The following TTC3 variants were observed in gnomAD, a reference collection of about 807,000 sequenced individuals.
TTC3 encodes tetratricopeptide repeat domain 3, also known as E3 ubiquitin-protein ligase TTC3.
TTC3 carries 180 observed loss-of-function variants against 249.6 expected under a neutral mutation model. That is an observed-to-expected ratio of 0.72 (90% CI 0.64 to 0.82). The LOEUF is 0.82. Among genes scored for constraint, TTC3 ranks in the 40% least tolerant of loss-of-function variants. The pLI, the probability that TTC3 is intolerant of heterozygous loss-of-function variation, is 0.00. For missense variants in TTC3, 2,061 were observed against 2,398.4 expected (o/e 0.86, Z 2.94); for synonymous variants, 717 against 805.0 (o/e 0.89, Z 1.85).
Position 37,095,458 on chromosome 21 carries a change from G to A in TTC3, c.782+14G>A, listed in dbSNP as rs1478607174. ...CATTGAATATAGGTAAGAGCAAATA[G>A]AACAAAAGAGATGCTTTTTCTATGG... On this transcript the variant is annotated intron_variant, in intron 9 of 45. Transcript: ENST00000355666. 1.3e-6 allele frequency: 2 copies of A among 1,492,362 alleles called. No individual in the cohort carries two copies. The highest frequency in any genetic ancestry group is 1.8e-6 in the Non-Finnish European group (2 of 1,096,710). 92.4% of individuals were successfully genotyped at this position (1,492,362 alleles called of 1,614,324 possible).
intron 20 of TTC3, among the ~76,000 whole-genome samples, chr21:37,143,574 A>G (rs1003017955): frequency 2.2e-4 from 33 of 152,100 alleles, no homozygotes; most frequent in African/African-American, 7.0e-4. Flanking sequence ...AATGGCGATC[A>G]TTAAAAAGTC....
rs570792735 is a variant in TTC3 at position 37,124,314 on chromosome 21, A to C, written c.1110-305A>C. Among the ~76,000 whole-genome samples, 120 of 151,558 alleles carry C rather than the reference A, an allele frequency of 7.9e-4. 1 individual carries two copies. Among genetic ancestry groups the C allele is most frequent in the African/African-American group, 2.5e-3 (104 of 41,316 alleles). ...TATTTTTAGTAGAGACGGGGGTCTC[A>C]CCATGTTGGCCAGGCTGGTCTTGAA... On this transcript the variant is annotated intron_variant, in intron 13 of 45. Coordinates refer to ENST00000355666, the Ensembl canonical transcript of TTC3.
exon 27 of TTC3, chr21:37,153,107 C>T (rs1216148449): frequency 1.2e-6 from 2 of 1,613,820 alleles, no homozygotes; most frequent in Admixed American, 3.3e-5. Context: ...GAAGACTATA[C>T]AACCTGTTTT....
intron 34 of TTC3, among the ~76,000 whole-genome samples, chr21:37,168,930 G>A (rs1452606594): frequency 6.6e-6 from 1 of 152,312 alleles, no homozygotes; most frequent in East Asian, 1.9e-4. Flanking sequence ...TCACATGGCT[G>A]GCAAGCGGAT....
chr21:37,099,017 A>G (rs1236861250), intron 10 of TTC3: 1 of 152,180 alleles, frequency 6.6e-6, no homozygotes, highest in Admixed American at 6.5e-5. Flanking sequence ...GGAAGGCCAG[A>G]CTTCTTATCT....
exon 35 of TTC3, chr21:37,172,624 C>T: frequency 6.2e-7 from 1 of 1,612,754 alleles, no homozygotes; most frequent in Non-Finnish European, 8.5e-7. Flanking sequence ...AAAAGGAGCA[C>T]CAAGTATTAC....
exon 46 of TTC3, chr21:37,201,818 G>A (rs576219321): frequency 1.1e-5 from 6 of 522,262 alleles, no homozygotes; most frequent in East Asian, 7.3e-5. Flanking sequence ...CTGGGGCTGC[G>A]CAGGGCTCTT....
intron 42 of TTC3, among the ~76,000 whole-genome samples, chr21:37,197,223 C>A (rs1339892412): frequency 6.6e-6 from 1 of 152,140 alleles, no homozygotes; most frequent in Admixed American, 6.5e-5. Context: ...GCAGGTGGAT[C>A]ACCTGAGGTC....
chr21:37,089,529 T>A (rs1395406886), intron 5 of TTC3, among the ~76,000 whole-genome samples: 5 of 151,916 alleles, frequency 3.3e-5, no homozygotes, highest in African/African-American at 1.2e-4. Flanking sequence ...TATTATTATT[T>A]TTGAGATGGA....
intron 11 of TTC3, among the ~76,000 whole-genome samples, chr21:37,117,933 A>G (rs149287949): frequency 3.1e-4 from 47 of 152,096 alleles, no homozygotes; most frequent in African/African-American, 1.1e-3. Flanking sequence ...CTTAAACAAA[A>G]TATTCACTTT....
chr21:37,146,063 T>A (rs1048400022), intron 21 of TTC3, among the ~76,000 whole-genome samples: 3 of 152,212 alleles, frequency 2.0e-5, no homozygotes, highest in Admixed American at 2.0e-4. Flanking sequence ...CAAAAACTTG[T>A]ACATGAATGT....
At chr21:37,076,766 G>A (rs1031185373) in intron 1 of TTC3, among the ~76,000 whole-genome samples, 3 of 137,940 alleles carry the variant, frequency 2.2e-5, no homozygotes, top group Non-Finnish European at 4.6e-5. Context: ...GCAATGGCAC[G>A]ATCTCGGCTC....
At chr21:37,155,198 CA>C (rs369745927) in intron 27 of TTC3, among the ~76,000 whole-genome samples, 788 of 152,290 alleles carry the variant, frequency 5.2e-3, no homozygotes, top group Non-Finnish European at 8.7e-3. Context: ...GAATTTTCTT[CA>C]ATAAAACGAC....
At position 37,141,781 on chromosome 21, in the gene TTC3, A is replaced by C. The variant is rs62223636; in HGVS notation, c.1772+1108A>C. ...GAGACTCCATCTCAAAAACAGCAAT[A>C]ACACAGAGACACAACAAAAAAAGAG... On this transcript the variant is annotated intron_variant, in intron 20 of 45. Transcript: ENST00000355666. 7.8e-3 allele frequency among the ~76,000 whole-genome samples: 1,189 copies of C among 152,178 alleles called. 4 individuals carry two copies. Among genetic ancestry groups the C allele is most frequent in the Non-Finnish European group, 0.012 (812 of 67,964 alleles).
intron 11 of TTC3, among the ~76,000 whole-genome samples, chr21:37,111,886 T>C (rs1479600342): frequency 6.6e-6 from 1 of 151,882 alleles, no homozygotes; most frequent in Non-Finnish European, 1.5e-5. Context: ...GAACTCAGGA[T>C]TAAGAAACTC....
exon 46 of TTC3, chr21:37,202,086 A>G (rs1195575010): frequency 6.6e-6 from 1 of 152,252 alleles, no homozygotes; most frequent in African/African-American, 2.4e-5. Context: ...TAAGCAAACT[A>G]TATTTTAATA....
rs2085367618 is a variant in TTC3 at position 37,200,325 on chromosome 21, G to GT, written c.5943+2dup. 6.2e-7 allele frequency: 1 copy of GT among 1,613,830 alleles called. No individual in the cohort carries two copies. Among genetic ancestry groups the GT allele is most frequent in the Non-Finnish European group, 8.5e-7 (1 of 1,179,924 alleles). The stretch of plus-strand genomic sequence containing the variant: ...ATGTGGGCACAAGTATCACAAAGGG[G>GT]TAAGAGCTCTTTTTGGCCATCCTTA... On this transcript the variant is annotated splice_donor_variant, in intron 45 of 45. Transcript: ENST00000355666. LOFTEE classifies it high-confidence loss of function.
At chr21:37,120,291 T>A (rs2076477709) in intron 11 of TTC3, among the ~76,000 whole-genome samples, 1 of 152,190 alleles carries the variant, frequency 6.6e-6, no homozygotes, top group African/African-American at 2.4e-5. Flanking sequence ...TAAGCTTCAT[T>A]GAAATAACTT....
intron 7 of TTC3, among the ~76,000 whole-genome samples, chr21:37,093,627 A>C (rs1037539230): frequency 6.6e-6 from 1 of 152,130 alleles, no homozygotes. Flanking sequence ...TACACCATAC[A>C]TGCTTGACAG....
Sources: gnomAD v4.1 joint callset for allele counts (sites outside exome capture counted in the v4.1 genomes callset) on GRCh38, gnomAD v4.1.1 for gene constraint, MANE v1.5 for transcripts, NCBI Gene and HGNC (gene_info 2026-07-23, HGNC 2026-07-21) for gene names.